The following ARL8B variants were observed in gnomAD, a reference collection of about 807,000 sequenced individuals.
ARL8B encodes ARF like GTPase 8B, also known as ADP-ribosylation factor-like protein 8B.
ARL8B carries 9 observed loss-of-function variants against 30.6 expected under a neutral mutation model. The observed-to-expected ratio is 0.29, with a 90% CI of 0.18 to 0.51. The LOEUF is 0.51. Ranked by LOEUF, ARL8B falls within the 20% of genes least tolerant of loss-of-function variation. The pLI, the probability that ARL8B is intolerant of heterozygous loss-of-function variation, is 0.97. For synonymous variants in ARL8B, 74 were observed against 76.0 expected, an observed-to-expected ratio of 0.97 and a Z score of 0.14; for missense variants, 130 against 227.2, an observed-to-expected ratio of 0.57 and a Z score of 2.75.
intron 6 of ARL8B, among the ~76,000 whole-genome samples, chr3:5,175,123 A>T (rs1180549494): frequency 1.3e-5 from 2 of 152,112 alleles, no homozygotes; most frequent in Non-Finnish European, 2.9e-5. Flanking sequence ...AACAGCAAAA[A>T]ATTTTTTAAA....
Position 5,131,057 on chromosome 3 carries a change from C to T in ARL8B, c.123+8469C>T, listed in dbSNP as rs567474439. On this transcript the variant is annotated intron_variant, in intron 1 of 6. Coordinates refer to ENST00000256496, the MANE Select transcript of ARL8B (RefSeq NM_018184.3). ...CCTCCCGAATAGCTAGGACTACAGGCACCCGCCACCACGCCCAGCTAATTT... is the reference window on the plus strand; with the variant it reads ...CCTCCCGAATAGCTAGGACTACAGGTACCCGCCACCACGCCCAGCTAATTT... 8.6e-4 allele frequency among the ~76,000 whole-genome samples: 131 copies of T among 152,116 alleles called. 1 individual carries two copies. Among genetic ancestry groups the T allele is most frequent in the African/African-American group, 3.1e-3 (129 of 41,486 alleles).
At chr3:5,134,934 G>A (rs965016954) in intron 1 of ARL8B, among the ~76,000 whole-genome samples, 5 of 151,974 alleles carry the variant, frequency 3.3e-5, no homozygotes, top group East Asian at 1.9e-4. Flanking sequence ...TGCAACCTCC[G>A]CCTCCCAGGT....
chr3:5,145,887 C>G (rs1166097195), intron 1 of ARL8B, among the ~76,000 whole-genome samples: 1 of 152,034 alleles, frequency 6.6e-6, no homozygotes, highest in Admixed American at 6.6e-5. Context: ...ATCAGGTGTC[C>G]TAAATATTTA....
intron 1 of ARL8B, among the ~76,000 whole-genome samples, chr3:5,155,003 G>A (rs1444393660): frequency 6.6e-6 from 1 of 152,198 alleles, no homozygotes; most frequent in East Asian, 1.9e-4. Flanking sequence ...CCAAAGTGCT[G>A]GGATTACAGG....
intron 6 of ARL8B, 87 bp downstream of exon 6, chr3:5,174,501 A>T: frequency 1.1e-6 from 1 of 889,228 alleles, no homozygotes; most frequent in Non-Finnish European, 1.8e-6. Flanking sequence ...TCGATTTCTC[A>T]TTAAGTGACT....
intron 1 of ARL8B, among the ~76,000 whole-genome samples, chr3:5,125,073 A>G (rs2054218596): frequency 6.6e-6 from 1 of 152,244 alleles, no homozygotes; most frequent in Admixed American, 6.5e-5. Context: ...CTTTGAAGTC[A>G]GACAGCCCTG....
At chr3:5,154,919 G>T (rs1346227592) in intron 1 of ARL8B, among the ~76,000 whole-genome samples, 3 of 151,236 alleles carry the variant, frequency 2.0e-5, no homozygotes, top group Non-Finnish European at 2.9e-5. Context: ...TTTTAAAGTA[G>T]ACTTGTGTTT....
At chr3:5,136,095 ATTATTATTT>A (rs1007380658) in intron 1 of ARL8B, among the ~76,000 whole-genome samples, 4 of 149,680 alleles carry the variant, frequency 2.7e-5, no homozygotes, top group African/African-American at 9.9e-5. Context: ...GCCTATTATT[ATTATTATTT>A]TTATTATTAT....
At chr3:5,176,625 TA>T (rs1247069922) in intron 6 of ARL8B, among the ~76,000 whole-genome samples, 2 of 152,244 alleles carry the variant, frequency 1.3e-5, no homozygotes, top group Non-Finnish European at 1.5e-5. Flanking sequence ...TCAGCCTTAG[TA>T]ACAGCGGATA....
intron 1 of ARL8B, among the ~76,000 whole-genome samples, chr3:5,135,608 G>A (rs936626767): frequency 6.6e-6 from 1 of 151,080 alleles, no homozygotes; most frequent in African/African-American, 2.4e-5. Flanking sequence ...ACAGGTGCAC[G>A]CCACCATGCT....
At chr3:5,130,939 T>C (rs989728525) in intron 1 of ARL8B, among the ~76,000 whole-genome samples, 11 of 152,272 alleles carry the variant, frequency 7.2e-5, no homozygotes, top group African/African-American at 2.6e-4. Context: ...CTTTTTTTTC[T>C]TTTTCTTTTT....
intron 1 of ARL8B, among the ~76,000 whole-genome samples, chr3:5,170,213 A>C (rs374901894): frequency 6.6e-6 from 1 of 152,362 alleles, no homozygotes. Context: ...CACATTTAAA[A>C]ATTTTCGTAT....
At position 5,164,527 on chromosome 3, in the gene ARL8B, T is replaced by C. The variant is rs2054608094; in HGVS notation, c.124-5976T>C. Among the ~76,000 whole-genome samples the C allele has an allele frequency of 2.6e-5, 4 of 152,234 alleles. 1 individual carries two copies. The South Asian group carries it at 8.3e-4, about 31-fold the overall frequency. On this transcript the variant is annotated intron_variant, in intron 1 of 6. Transcript: ENST00000256496. ...AAACTGTGGTTAACATTTTACCTCA[T>C]TTGCTTTCTGATGTGTATTTGTATC...
intron 1 of ARL8B, among the ~76,000 whole-genome samples, chr3:5,157,489 CAA>C (rs146850839): frequency 6.6e-6 from 1 of 151,628 alleles, no homozygotes; most frequent in Non-Finnish European, 1.5e-5. Context: ...ACAAACAAAA[CAA>C]AAAAACCCCC....
At chr3:5,127,900 A>AAAAAAAAC (rs2054246501) in intron 1 of ARL8B, among the ~76,000 whole-genome samples, 1 of 149,400 alleles carries the variant, frequency 6.7e-6, no homozygotes, top group Non-Finnish European at 1.5e-5. Context: ...AAAAAAAAAA[A>AAAAAAAAC]AGCGGAGGGC....
intron 1 of ARL8B, among the ~76,000 whole-genome samples, chr3:5,160,757 G>A (rs2054573537): frequency 6.6e-6 from 1 of 152,178 alleles, no homozygotes. Flanking sequence ...ATTTTTATCT[G>A]CTGTATTCAA....
intron 1 of ARL8B, among the ~76,000 whole-genome samples, chr3:5,138,491 A>T (rs1368713602): frequency 1.3e-5 from 2 of 152,154 alleles, no homozygotes; most frequent in African/African-American, 4.8e-5. Context: ...TCTTTTCTGT[A>T]ATACGAGGCC....
At chr3:5,168,253 T>C (rs2054640928) in intron 1 of ARL8B, among the ~76,000 whole-genome samples, 1 of 152,220 alleles carries the variant, frequency 6.6e-6, no homozygotes, top group Non-Finnish European at 1.5e-5. Context: ...TTTGTATTTG[T>C]AGAGAGAAGG....
intron 6 of ARL8B, among the ~76,000 whole-genome samples, chr3:5,175,992 G>A (rs2054726720): frequency 6.6e-6 from 1 of 152,080 alleles, no homozygotes; most frequent in South Asian, 2.1e-4. Flanking sequence ...GACTTTTTAG[G>A]GGGACATTAA....
Sources: allele counts gnomAD v4.1 joint callset (sites outside exome capture counted in the v4.1 genomes callset), GRCh38; gene constraint gnomAD v4.1.1; transcripts MANE v1.5; gene names NCBI Gene and HGNC (gene_info 2026-07-23, HGNC 2026-07-21).